The following GRAMD2B variants were observed in gnomAD, a reference collection of about 807,000 sequenced individuals.
GRAMD2B encodes the protein GRAM domain-containing protein 2B.
Under a neutral mutation model 59.2 loss-of-function variants are expected in GRAMD2B, and 41 were observed. The ratio of observed to expected loss-of-function variants is 0.69; its 90% CI spans 0.54 to 0.90. The LOEUF (loss-of-function observed/expected upper bound fraction) is 0.90, where lower values mean the gene tolerates loss of function less well. Ranked by LOEUF, GRAMD2B falls within the 40% of genes least tolerant of loss-of-function variation. GRAMD2B has a pLI of 0.00. For missense variants in GRAMD2B, 424 were observed against 500.5 expected (o/e 0.85, Z 1.46); for synonymous variants, 161 against 182.7 (o/e 0.88, Z 0.96).
At chr5:126,408,991 C>T (rs1049052934) in intron 1 of GRAMD2B, among the ~76,000 whole-genome samples, 5 of 151,572 alleles carry the variant, frequency 3.3e-5, no homozygotes, top group African/African-American at 1.2e-4. Context: ...TTTCCAATTT[C>T]ATCCATGTCC....
intron 1 of GRAMD2B, among the ~76,000 whole-genome samples, chr5:126,434,880 G>A (rs1318304239): frequency 6.6e-6 from 1 of 152,158 alleles, no homozygotes; most frequent in Non-Finnish European, 1.5e-5. Context: ...GTTAACCTCT[G>A]TTAGCTGATT....
intron 11 of GRAMD2B, among the ~76,000 whole-genome samples, chr5:126,486,051 AT>A (rs1046622437): frequency 5.9e-5 from 9 of 151,544 alleles, no homozygotes; most frequent in African/African-American, 1.2e-4. Flanking sequence ...TACCCTTGTT[AT>A]TTTTTTTACC....
intron 13 of GRAMD2B, among the ~76,000 whole-genome samples, chr5:126,489,502 A>C (rs1397400254): frequency 6.6e-6 from 1 of 152,190 alleles, no homozygotes; most frequent in Non-Finnish European, 1.5e-5. Context: ...GGCCTGTCTG[A>C]CTGCAAAGTT....
intron 1 of GRAMD2B, among the ~76,000 whole-genome samples, chr5:126,362,366 GC>G (rs1445475977): frequency 1.2e-4 from 18 of 152,192 alleles, no homozygotes; most frequent in Non-Finnish European, 1.5e-5. Flanking sequence ...TAGTATATGA[GC>G]CTTTCACTTT....
chr5:126,405,622 T>C (rs1758198964), intron 1 of GRAMD2B, among the ~76,000 whole-genome samples: 1 of 151,928 alleles, frequency 6.6e-6, no homozygotes, highest in South Asian at 2.1e-4. Context: ...CATTACATGA[T>C]TAGCTACACA....
At chr5:126,456,414 A>G (rs544450267) in intron 1 of GRAMD2B, among the ~76,000 whole-genome samples, 2 of 151,902 alleles carry the variant, frequency 1.3e-5, no homozygotes, top group African/African-American at 4.8e-5. Context: ...GGGTCTCCCT[A>G]TGTTGTCCAG....
At chr5:126,395,756 G>C (rs1012561559) in intron 1 of GRAMD2B, among the ~76,000 whole-genome samples, 1 of 152,140 alleles carries the variant, frequency 6.6e-6, no homozygotes, top group Non-Finnish European at 1.5e-5. Context: ...AAGAGGGAGG[G>C]AGTGTCTGTG....
upstream of GRAMD2B, among the ~76,000 whole-genome samples, chr5:126,367,481 A>AG (rs1290267391): frequency 6.7e-6 from 1 of 148,182 alleles, no homozygotes; most frequent in African/African-American, 2.5e-5. Context: ...AAGTAGAGGA[A>AG]AAGGAGGGAG....
At chr5:126,458,751 C>A (rs10060783) in intron 1 of GRAMD2B, 139,315 of 152,200 alleles carry the variant, frequency 0.92, 64,566 homozygotes, top group East Asian at 1. Flanking sequence ...TGAGCCAGGG[C>A]GAGTGAGGAG....
intron 6 of GRAMD2B, 102 bp from the exon 7 acceptor site, chr5:126,480,354 G>A: frequency 1.4e-6 from 1 of 725,748 alleles, no homozygotes; most frequent in Admixed American, 2.4e-5. Flanking sequence ...GGTCCATGTT[G>A]TTTGAAAATG....
At chr5:126,423,934 G>A (rs1580893901) in intron 1 of GRAMD2B, among the ~76,000 whole-genome samples, 1 of 152,164 alleles carries the variant, frequency 6.6e-6, no homozygotes, top group South Asian at 2.1e-4. Flanking sequence ...AAACTCACTG[G>A]ATGTTGGGAA....
At chr5:126,443,924 C>T (rs560341287) in intron 1 of GRAMD2B, among the ~76,000 whole-genome samples, 82 of 151,920 alleles carry the variant, frequency 5.4e-4, no homozygotes, top group African/African-American at 1.9e-3. Context: ...TGGTGGTGGG[C>T]GCCTGTAATC....
chr5:126,393,362 T>C (rs1757017001), intron 1 of GRAMD2B, among the ~76,000 whole-genome samples: 1 of 152,230 alleles, frequency 6.6e-6, no homozygotes, highest in South Asian at 2.1e-4. Flanking sequence ...CATATACATG[T>C]ACCTGCATCT....
chr5:126,414,102 G>A (rs992885980), intron 1 of GRAMD2B, among the ~76,000 whole-genome samples: 2 of 152,174 alleles, frequency 1.3e-5, no homozygotes, highest in Non-Finnish European at 2.9e-5. Context: ...TAGACATCCA[G>A]TGCAGAAAAG....
At chr5:126,427,923 T>C (rs1760893350) in intron 1 of GRAMD2B, among the ~76,000 whole-genome samples, 1 of 152,220 alleles carries the variant, frequency 6.6e-6, no homozygotes, top group South Asian at 2.1e-4. Flanking sequence ...CATATAATTT[T>C]TTTTTTAATT....
intron 1 of GRAMD2B, among the ~76,000 whole-genome samples, chr5:126,372,523 T>A (rs6595697): frequency 0.72 from 110,079 of 152,058 alleles, 41,230 homozygotes; most frequent in Non-Finnish European, 0.81. Context: ...TGCATTCACA[T>A]ATCAGAATGC....
chr5:126,466,092 C>T (rs1768320130), intron 2 of GRAMD2B, among the ~76,000 whole-genome samples: 1 of 152,128 alleles, frequency 6.6e-6, no homozygotes. Flanking sequence ...TTGGTAGAGA[C>T]TAAAGTTGCT....
chr5:126,397,285 T>C (rs1318382035), intron 1 of GRAMD2B, among the ~76,000 whole-genome samples: 2 of 152,184 alleles, frequency 1.3e-5, no homozygotes, highest in Non-Finnish European at 2.9e-5. Context: ...AACAGAGTGG[T>C]GTGATCTTGG....
At chr5:126,466,302 T>C in intron 2 of GRAMD2B, 17 of 1,511,168 alleles carry the variant, frequency 1.1e-5, no homozygotes, top group Non-Finnish European at 1.5e-5. Flanking sequence ...AGCCCATATC[T>C]TCTCTCCAAA....
Sources: allele counts gnomAD v4.1 joint callset (sites outside exome capture counted in the v4.1 genomes callset), GRCh38; gene constraint gnomAD v4.1.1; transcripts MANE v1.5; gene names NCBI Gene and HGNC (gene_info 2026-07-23, HGNC 2026-07-21).